AOPEP: variants seen among roughly 807,000 people sequenced by gnomAD.
AOPEP encodes the protein aminopeptidase O (putative).
In AOPEP, 77 loss-of-function variants were observed where a neutral mutation model predicts 98.1. That is an observed-to-expected ratio of 0.78 (90% confidence interval 0.65 to 0.95). The LOEUF is 0.95. AOPEP is among the 40% of genes least tolerant of loss of function. The pLI is 0.00. For synonymous variants in AOPEP, 346 were observed against 365.3 expected (o/e 0.95, Z 0.60); for missense variants, 1,024 against 1,024.7 (o/e 1.00, Z 0.01).
chr9:95,044,539 AAG>A (rs1453616255), intron 13 of AOPEP, among the ~76,000 whole-genome samples: 5 of 152,220 alleles, frequency 3.3e-5, no homozygotes, highest in African/African-American at 9.7e-5. Context: ...AAAACCCATG[AAG>A]CAAATTCTGC....
intron 7 of AOPEP, chr9:94,932,307 C>G (rs1166314329): frequency 1.9e-5 from 19 of 982,452 alleles, no homozygotes; most frequent in Non-Finnish European, 2.2e-5. Flanking sequence ...TCAACATTCT[C>G]TTGGTTATAG....
chr9:95,102,370 G>C, the AOPEP span, among the ~76,000 whole-genome samples: 1 of 152,172 alleles, frequency 6.6e-6, no homozygotes, highest in Non-Finnish European at 1.5e-5. Context: ...CCTGATTCTT[G>C]CGGGAGAGCA....
chr9:94,731,231 GTT>G (rs1016664290), intron 1 of AOPEP, among the ~76,000 whole-genome samples: 2 of 143,304 alleles, frequency 1.4e-5, no homozygotes, highest in Admixed American at 7.0e-5. Flanking sequence ...TATCCAACTT[GTT>G]TTTTTTTTTT....
chr9:94,845,348 G>A (rs1327491835), intron 5 of AOPEP, among the ~76,000 whole-genome samples: 1 of 152,182 alleles, frequency 6.6e-6, no homozygotes, highest in Admixed American at 6.5e-5. Flanking sequence ...GGGAAAAAAT[G>A]GTAGGAAGTA....
At chr9:94,781,675 C>T (rs1301705127) in intron 3 of AOPEP, among the ~76,000 whole-genome samples, 2 of 151,146 alleles carry the variant, frequency 1.3e-5, no homozygotes, top group African/African-American at 2.4e-5. Context: ...ATTCTCCTGC[C>T]TCAGCCTCCC....
chr9:94,898,385 G>A (rs1208447709), intron 5 of AOPEP, among the ~76,000 whole-genome samples: 2 of 151,898 alleles, frequency 1.3e-5, no homozygotes, highest in South Asian at 2.1e-4. Context: ...TTGGGAGGCT[G>A]AGGCAGGCGG....
chr9:95,039,694 T>G (rs2065125541), intron 13 of AOPEP, among the ~76,000 whole-genome samples: 1 of 152,188 alleles, frequency 6.6e-6, no homozygotes, highest in Non-Finnish European at 1.5e-5. Context: ...AGAAACAACT[T>G]AGGAGCTTGC....
In AOPEP at chr9:95,029,065, C is replaced by G. The variant is rs149330720; in HGVS notation, c.2115+23449C>G. Among the ~76,000 whole-genome samples, 16 of 152,304 alleles carry G rather than the reference C, an allele frequency of 1.1e-4. No individual in the cohort carries two copies. The East Asian group carries it at 2.9e-3, about 28-fold the overall frequency. The stretch of plus-strand genomic sequence containing the variant: ...TGGGCAGGTGCTGTGTGGCATTGAG[C>G]TGTCCTCGTTTGCTGAAAACTGATT... On this transcript the variant is annotated intron_variant, in intron 13 of 16. Coordinates refer to ENST00000375315, the MANE Select transcript of AOPEP (RefSeq NM_001193329.3).
the AOPEP span, among the ~76,000 whole-genome samples, chr9:95,149,281 G>T: frequency 3.3e-5 from 5 of 152,118 alleles, no homozygotes; most frequent in African/African-American, 1.2e-4. Context: ...TAGTCGCTGG[G>T]GCCTACCTGA....
chr9:95,099,355 C>T, the AOPEP span: 17 of 227,992 alleles, frequency 7.5e-5, no homozygotes, highest in African/African-American at 2.9e-4. Context: ...GGTGGCTTCA[C>T]GCCTTGCCAT....
chr9:95,023,200 C>T (rs1023877935), intron 13 of AOPEP, among the ~76,000 whole-genome samples: 4 of 152,150 alleles, frequency 2.6e-5, no homozygotes, highest in South Asian at 2.1e-4. Context: ...TGTTTTCAGA[C>T]TTAAAGTCAT....
At chr9:94,844,554 C>T (rs543599685) in intron 5 of AOPEP, among the ~76,000 whole-genome samples, 7 of 152,316 alleles carry the variant, frequency 4.6e-5, no homozygotes, top group African/African-American at 1.4e-4. Context: ...TTGTTACTTG[C>T]TGTAGTCACC....
At chr9:95,027,173 G>T (rs1393982144) in intron 13 of AOPEP, among the ~76,000 whole-genome samples, 1 of 152,084 alleles carries the variant, frequency 6.6e-6, no homozygotes. Context: ...GAGGTGGGAG[G>T]ATCGCTTGAG....
At chr9:95,123,492 T>C in the AOPEP span, 11 of 466,474 alleles carry the variant, frequency 2.4e-5, no homozygotes, top group South Asian at 4.6e-5. Flanking sequence ...ATACAAAAAT[T>C]AGTGCTTCCT....
chr9:94,772,389 G>A (rs1363813259), intron 2 of AOPEP, among the ~76,000 whole-genome samples: 1 of 152,168 alleles, frequency 6.6e-6, no homozygotes, highest in Non-Finnish European at 1.5e-5. Context: ...TGGTGACTTG[G>A]TAACGACTCT....
rs555460365 is a variant in AOPEP, at chr9:94,862,668, G to A, written c.1365-61318G>A. On this transcript the variant is annotated intron_variant, in intron 5 of 16. Coordinates refer to ENST00000375315, the MANE Select transcript of AOPEP (RefSeq NM_001193329.3). ...CCTGGAACCTTCTCCCAGAGTCTCC[G>A]TCCTCCCTGTTTTTGGTTTCTGGAT... Among the ~76,000 whole-genome samples the A allele has an allele frequency of 2.0e-5, 3 of 152,300 alleles. No homozygotes were observed. The South Asian group carries it at 6.2e-4, about 32-fold the overall frequency.
chr9:95,010,394 A>G (rs1479126298), intron 13 of AOPEP, among the ~76,000 whole-genome samples: 2 of 152,214 alleles, frequency 1.3e-5, no homozygotes, highest in Non-Finnish European at 2.9e-5. Flanking sequence ...AGCCATCAGC[A>G]CACAAAGCTT....
At chr9:94,864,609 A>G (rs1424757050) in intron 5 of AOPEP, among the ~76,000 whole-genome samples, 1 of 152,220 alleles carries the variant, frequency 6.6e-6, no homozygotes, top group Non-Finnish European at 1.5e-5. Context: ...TTCAGGAGCC[A>G]TTTATTTAAA....
chr9:95,069,567 C>G (rs947297240), intron 14 of AOPEP, among the ~76,000 whole-genome samples: 2 of 152,056 alleles, frequency 1.3e-5, no homozygotes, highest in Non-Finnish European at 2.9e-5. Flanking sequence ...TTAATAGCAC[C>G]AGTGTTATTA....
Sources: allele counts gnomAD v4.1 joint callset (sites outside exome capture counted in the v4.1 genomes callset), GRCh38; gene constraint gnomAD v4.1.1; transcripts MANE v1.5; gene names NCBI Gene and HGNC (gene_info 2026-07-23, HGNC 2026-07-21).